Variants in XPR1 observed in about 807,000 individuals in gnomAD.
XPR1 encodes xenotropic and polytropic retrovirus receptor 1, also known as solute carrier family 53 member 1.
XPR1 carries 28 observed loss-of-function variants against 87.5 expected under a neutral mutation model. The ratio of observed to expected loss-of-function variants is 0.32; its 90% CI spans 0.24 to 0.44. XPR1 has a LOEUF of 0.44. XPR1 is among the 20% of genes least tolerant of loss of function. The pLI, the probability that XPR1 is intolerant of heterozygous loss-of-function variation, is 1.00. For synonymous variants in XPR1, 300 were observed against 306.1 expected (o/e 0.98, Z 0.21); for missense variants, 559 against 862.3 (o/e 0.65, Z 4.41).
chr1:180,798,708 A>C (rs1229988916), intron 3 of XPR1, among the ~76,000 whole-genome samples: 1 of 152,026 alleles, frequency 6.6e-6, no homozygotes, highest in Non-Finnish European at 1.5e-5. Context: ...CCACCTCCTG[A>C]GTTCAAGTGA....
chr1:180,775,713 G>A lies in XPR1; in HGVS notation c.122-12040G>A, dbSNP rs77307888. 5.9e-3 allele frequency among the ~76,000 whole-genome samples: 899 copies of A among 152,118 alleles called. 11 individuals carry two copies. Among genetic ancestry groups the A allele is most frequent in the African/African-American group, 0.021 (858 of 41,504 alleles). ...AGCTAACAGAATTAGAAAATAAAAG[G>A]CCTTCAGTTAAAAATACCTAATTCT... On this transcript the variant is annotated intron_variant, in intron 2 of 14. Transcript: ENST00000367590.
chr1:180,800,168 G>A (rs772592835), intron 3 of XPR1, among the ~76,000 whole-genome samples: 52 of 152,154 alleles, frequency 3.4e-4, no homozygotes, highest in Non-Finnish European at 5.7e-4. Flanking sequence ...ACTGAAAAAG[G>A]AATCATAGGA....
chr1:180,875,125 C>A (rs1004638559), intron 13 of XPR1, among the ~76,000 whole-genome samples: 2 of 152,104 alleles, frequency 1.3e-5, no homozygotes, highest in Non-Finnish European at 2.9e-5. Context: ...GGATTATAAT[C>A]ACAAAAAGAT....
intron 7 of XPR1, among the ~76,000 whole-genome samples, chr1:180,814,646 A>G (rs185064925): frequency 2.5e-4 from 38 of 152,320 alleles, no homozygotes; most frequent in Middle Eastern, 3.4e-3. Context: ...AAGTCTTAAG[A>G]TAAATAAGAG....
At chr1:180,677,548 G>A (rs1656409051) in intron 1 of XPR1, among the ~76,000 whole-genome samples, 1 of 152,144 alleles carries the variant, frequency 6.6e-6, no homozygotes. Context: ...GACAGGGTCT[G>A]CAAAGTATCT....
At chr1:180,853,667 A>ACACC (rs1283931843) in intron 11 of XPR1, among the ~76,000 whole-genome samples, 2 of 132,980 alleles carry the variant, frequency 1.5e-5, no homozygotes, top group Non-Finnish European at 3.3e-5. Flanking sequence ...ACACACACAC[A>ACACC]CCCTACCTCT....
intron 3 of XPR1, among the ~76,000 whole-genome samples, chr1:180,789,936 C>G (rs1408744282): frequency 6.6e-6 from 1 of 152,104 alleles, no homozygotes; most frequent in Non-Finnish European, 1.5e-5. Context: ...GCCCTCAAAG[C>G]TTCCTGTGGG....
chr1:180,727,204 A>G (rs12075181), intron 2 of XPR1, among the ~76,000 whole-genome samples: 4,791 of 152,198 alleles, frequency 0.031, 174 homozygotes, highest in African/African-American at 0.086. Flanking sequence ...AGAACAAGAA[A>G]TAATACAATG....
At chr1:180,708,437 T>C (rs1281238335) in intron 2 of XPR1, among the ~76,000 whole-genome samples, 1 of 152,252 alleles carries the variant, frequency 6.6e-6, no homozygotes, top group Non-Finnish European at 1.5e-5. Flanking sequence ...CATTGAATTG[T>C]ACTCTTAATA....
chr1:180,746,925 A>T (rs1000675616), intron 2 of XPR1, among the ~76,000 whole-genome samples: 1 of 152,126 alleles, frequency 6.6e-6, no homozygotes, highest in Non-Finnish European at 1.5e-5. Context: ...GCATCTACCT[A>T]CCTGGCTTTA....
chr1:180,792,571 G>C (rs904803836), intron 3 of XPR1, among the ~76,000 whole-genome samples: 1 of 152,098 alleles, frequency 6.6e-6, no homozygotes, highest in Admixed American at 6.6e-5. Context: ...TGTTTATTAT[G>C]TATCTTTGGT....
At chr1:180,768,834 T>C (rs949447903) in intron 2 of XPR1, among the ~76,000 whole-genome samples, 2 of 152,248 alleles carry the variant, frequency 1.3e-5, no homozygotes, top group Non-Finnish European at 2.9e-5. Flanking sequence ...TACTTTAGGT[T>C]ATAGAAATGC....
Position 180,702,377 on chromosome 1 carries a change from T to G in XPR1, c.121+19966T>G, listed in dbSNP as rs1388020945. 3.4e-5 allele frequency among the ~76,000 whole-genome samples: 5 copies of G among 148,570 alleles called. No individual in the cohort carries two copies. In the Admixed American group the frequency reaches 3.4e-4, roughly 10 times the overall value. On this transcript the variant is annotated intron_variant, in intron 2 of 14. Transcript: ENST00000367590. The stretch of plus-strand genomic sequence containing the variant: ...TCCAACTATGTGGTCAATTTTGGAA[T>G]AGGTGTGGTGTGGTGCTGAAAAAAA...
intron 1 of XPR1, among the ~76,000 whole-genome samples, chr1:180,652,070 T>A (rs1655312929): frequency 6.6e-6 from 1 of 152,092 alleles, no homozygotes; most frequent in African/African-American, 2.4e-5. Context: ...GGCGCGCGGA[T>A]CACATGAGGT....
rs569109332 is a variant in XPR1 at position 180,705,645 on chromosome 1, T to C, written c.121+23234T>C. ...CATTGTAAGATTTATTATTTTCACG[T>C]TCCTGTTTTTTCTGTATGGGATCCT... On this transcript the variant is annotated intron_variant, in intron 2 of 14. Coordinates refer to ENST00000367590, the MANE Select transcript of XPR1 (RefSeq NM_004736.4). Among the ~76,000 whole-genome samples the C allele has an allele frequency of 2.0e-5, 3 of 152,340 alleles. No individual in the cohort carries two copies. The South Asian group carries it at 6.2e-4, about 32-fold the overall frequency.
intron 11 of XPR1, among the ~76,000 whole-genome samples, chr1:180,850,272 T>C (rs1651823194): frequency 6.6e-6 from 1 of 152,220 alleles, no homozygotes; most frequent in African/African-American, 2.4e-5. Context: ...ATCTGATATG[T>C]TTTACTGGTG....
Position 180,803,450 on chromosome 1 carries a change from G to A in XPR1, c.286G>A (p.Asp96Asn). ...TLQNELQSSL[D>N]AQKESTGVTT... The stretch of plus-strand genomic sequence containing the variant: ...TCAGAATGAGCTTCAGTCATCACTG[G>A]ATGCACAGAAAGAAAGCACTGGTGT... The change falls in exon 4 of 15, where the codon GAT (aspartate) becomes AAT (asparagine). Residue 96 changes from aspartate (D) to asparagine (N), a missense_variant. Asp to Asn is a conservative substitution (Grantham distance 23). Around this residue, in one of 7 missense-constraint regions of XPR1, gnomAD observed 159 missense variants for 263.3 expected, o/e 0.60. Transcript: ENST00000367590. The A allele has an allele frequency of 6.2e-7, 1 of 1,614,076 alleles. No homozygotes were observed.
intron 11 of XPR1, 114 bp from the exon 12 acceptor site, chr1:180,863,594 G>A: frequency 1.1e-6 from 1 of 917,162 alleles, no homozygotes; most frequent in Non-Finnish European, 1.6e-6. Flanking sequence ...TCTGTTTAAA[G>A]CTTTGCTTTC....
At chr1:180,682,253 A>G in intron 1 of XPR1, 107 bp from the exon 2 acceptor site, 1 of 708,384 alleles carries the variant, frequency 1.4e-6, no homozygotes, top group Non-Finnish European at 2.2e-6. Flanking sequence ...CAATTTAGGG[A>G]GCTATGAGTG....
Sources: allele counts gnomAD v4.1 joint callset (sites outside exome capture counted in the v4.1 genomes callset), GRCh38; gene constraint gnomAD v4.1.1; regional missense constraint gnomAD v4.1.1; transcripts MANE v1.5; gene names NCBI Gene and HGNC (gene_info 2026-07-23, HGNC 2026-07-21).